Variants in ZNF445 observed in about 807,000 individuals in gnomAD.
ZNF445 encodes zinc finger protein 445.
A neutral mutation model predicts 93.9 loss-of-function variants in ZNF445; 19 were observed. The ratio of observed to expected loss-of-function variants is 0.20; its 90% confidence interval spans 0.14 to 0.30. The LOEUF is 0.30. Ranked by LOEUF, ZNF445 falls within the 10% of genes least tolerant of loss-of-function variation. ZNF445 has a pLI of 1.00. For missense variants in ZNF445, 1,058 were observed against 1,259.4 expected, an observed-to-expected ratio of 0.84 and a Z score of 2.42; for synonymous variants, 449 against 446.3, an observed-to-expected ratio of 1.01 and a Z score of -0.08.
At position 44,443,800 on chromosome 3, in the gene ZNF445, T is replaced by C. The variant is rs1697842521; in HGVS notation, c.*2775A>G. The C allele has an allele frequency of 6.6e-6, 1 of 151,606 alleles. No individual in the cohort carries two copies. Among genetic ancestry groups the C allele is most frequent in the Non-Finnish European group, 1.5e-5 (1 of 67,948 alleles). The allele number at this position is 151,606 out of a possible 1,614,324, so 9.4% of individuals were successfully genotyped here. ...GTTTTTCACTTCATTCTTTGCACAT[T>C]TTAAAATTTGATTAGAATGTTTAGA... On this transcript the variant is annotated 3_prime_UTR_variant, in exon 8 of 8. Transcript: ENST00000396077.
rs565329850 is a variant in ZNF445 at position 44,449,889 on chromosome 3, T to C, written c.821-266A>G. Among the ~76,000 whole-genome samples, 103 of 152,332 alleles carry C rather than the reference T, an allele frequency of 6.8e-4. 2 individuals are homozygous for C. The highest frequency in any genetic ancestry group is 2.3e-3 in the African/African-American group (96 of 41,586). On this transcript the variant is annotated intron_variant, in intron 6 of 7. Coordinates refer to ENST00000396077, the MANE Select transcript of ZNF445 (RefSeq NM_181489.6). ...AATTGGTTACATCAGCCAACATTTTTTGAATGTCTAAACAGACTAGGAACT... is the reference window on the plus strand; with the variant it reads ...AATTGGTTACATCAGCCAACATTTTCTGAATGTCTAAACAGACTAGGAACT...
chr3:44,459,909 TCTA>T lies in ZNF445; in HGVS notation c.-268-1548_-268-1546del, dbSNP rs1162618373. 5.9e-5 allele frequency among the ~76,000 whole-genome samples: 9 copies of T among 152,296 alleles called. No homozygotes were observed. The South Asian group carries it at 8.3e-4, about 14-fold the overall frequency. On this transcript the variant is annotated intron_variant, in intron 1 of 7. Coordinates refer to ENST00000396077, the MANE Select transcript of ZNF445 (RefSeq NM_181489.6). ...GCCCCAGGAACTTTCCTTCTAAGAA[TCTA>T]CTGTGAGAGCTAGGTGTGGTGGCTC... is the stretch of plus-strand genomic sequence containing the variant.
chr3:44,449,194 G>C (rs1374654479), intron 7 of ZNF445, among the ~76,000 whole-genome samples: 1 of 152,174 alleles, frequency 6.6e-6, no homozygotes, highest in Non-Finnish European at 1.5e-5. Context: ...CAGGAGTTCA[G>C]CAGGAGTGCA....
intron 1 of ZNF445, among the ~76,000 whole-genome samples, chr3:44,459,551 A>G (rs58412817): frequency 0.012 from 1,853 of 152,342 alleles, 34 homozygotes; most frequent in African/African-American, 0.043. Context: ...GGCCAAGAAT[A>G]GCCAAGATAA....
rs1157586354 is a variant in ZNF445, at chr3:44,433,254, A to G, written c.*13321T>C. The G allele has an allele frequency of 6.6e-6, 1 of 151,550 alleles. No individual in the cohort carries two copies. Among genetic ancestry groups the G allele is most frequent in the African/African-American group, 2.4e-5 (1 of 41,166 alleles). The allele number at this position is 151,550 out of a possible 1,614,324, so 9.4% of individuals were successfully genotyped here. A position where few individuals can be genotyped will look rare whatever the true frequency, so the allele number is the denominator to read the frequency against. On this transcript the variant is annotated 3_prime_UTR_variant, in exon 8 of 8. Coordinates refer to ENST00000396077, the MANE Select transcript of ZNF445 (RefSeq NM_181489.6). ...TCAGCCTCCCCAGTAGCTGGGATTT[A>G]CAGGTGCCCGCTACCACGCCTGGCT...
chr3:44,460,405 T>C (rs1398693748), intron 1 of ZNF445, among the ~76,000 whole-genome samples: 1 of 152,152 alleles, frequency 6.6e-6, no homozygotes, highest in African/African-American at 2.4e-5. Context: ...ACATTAGCCA[T>C]AAGATTAGAA....
At chr3:44,468,685 C>A (rs1158615369) in intron 1 of ZNF445, among the ~76,000 whole-genome samples, 2 of 150,100 alleles carry the variant, frequency 1.3e-5, no homozygotes, top group African/African-American at 4.9e-5. Context: ...ACCCCCTCCC[C>A]CCGAGGAGCT....
In ZNF445 at chr3:44,445,358, TTATAAAA is replaced by T. The variant is rs1318820756; in HGVS notation, c.*1210_*1216del. The stretch of plus-strand genomic sequence containing the variant: ...GAGTCCTTGGATCTGTGGTTAACCC[TTATAAAA>T]TATAATTCAGATTCAAACCACATCA... On this transcript the variant is annotated 3_prime_UTR_variant, in exon 8 of 8. Coordinates refer to ENST00000396077, the MANE Select transcript of ZNF445 (RefSeq NM_181489.6). 1 of 152,244 alleles carries T rather than the reference TTATAAAA, an allele frequency of 6.6e-6. No individual in the cohort carries two copies. 9.4% of individuals were successfully genotyped at this position (152,244 alleles called of 1,614,324 possible). A position where few individuals can be genotyped will look rare whatever the true frequency, so the allele number is the denominator to read the frequency against.
intron 1 of ZNF445, among the ~76,000 whole-genome samples, chr3:44,473,474 C>CACACACAG (rs1299394347): frequency 8.0e-6 from 1 of 125,394 alleles, no homozygotes; most frequent in East Asian, 5.1e-4. Context: ...CACACACACA[C>CACACACAG]ACACACACAC....
At chr3:44,464,419 T>C (rs1444624591) in intron 1 of ZNF445, among the ~76,000 whole-genome samples, 2 of 152,248 alleles carry the variant, frequency 1.3e-5, no homozygotes, top group Non-Finnish European at 2.9e-5. Flanking sequence ...ATATGTTGTA[T>C]GTTTATATAC....
intron 2 of ZNF445, among the ~76,000 whole-genome samples, chr3:44,456,761 G>A (rs1698032625): frequency 6.6e-6 from 1 of 152,106 alleles, no homozygotes; most frequent in African/African-American, 2.4e-5. Flanking sequence ...ACCCAACAAT[G>A]GGTTACAAAT....
intron 1 of ZNF445, among the ~76,000 whole-genome samples, chr3:44,461,339 C>A (rs926852411): frequency 4.0e-5 from 6 of 151,150 alleles, no homozygotes; most frequent in Non-Finnish European, 7.4e-5. Context: ...TCTACTCAAT[C>A]AGGAAGATTT....
At chr3:44,467,247 C>T (rs564071530) in intron 1 of ZNF445, among the ~76,000 whole-genome samples, 1 of 152,236 alleles carries the variant, frequency 6.6e-6, no homozygotes, top group South Asian at 2.1e-4. Flanking sequence ...ATATTTGTTC[C>T]TTTCTACCTG....
chr3:44,455,763 A>G, intron 2 of ZNF445, 67 bp from the exon 3 acceptor site: 1 of 540,782 alleles, frequency 1.8e-6, no homozygotes, highest in South Asian at 2.8e-5. Flanking sequence ...GCTGGTTGGG[A>G]TCATCTTTGT....
intron 1 of ZNF445, among the ~76,000 whole-genome samples, chr3:44,468,645 T>C (rs1425896196): frequency 2.0e-5 from 3 of 151,672 alleles, no homozygotes; most frequent in Non-Finnish European, 4.4e-5. Context: ...AACTGGCTCA[T>C]CTGATCTTGT....
intron 1 of ZNF445, among the ~76,000 whole-genome samples, chr3:44,470,064 A>G (rs1183334685): frequency 6.6e-6 from 1 of 152,102 alleles, no homozygotes; most frequent in African/African-American, 2.4e-5. Flanking sequence ...AATAGCTGAG[A>G]CTACAGACAT....
chr3:44,468,833 T>C lies in ZNF445; in HGVS notation c.-269+8758A>G, dbSNP rs541604005. Among the ~76,000 whole-genome samples the C allele has an allele frequency of 5.9e-5, 9 of 152,240 alleles. No homozygotes were observed. The South Asian group carries it at 1.9e-3, about 32-fold the overall frequency. On this transcript the variant is annotated intron_variant, in intron 1 of 7. Transcript: ENST00000396077. ...CCGCAAATGCTGGGGGAGACTGCTT[T>C]GAGTAATAATAAAACCCCAGTCTCC... is the stretch of plus-strand genomic sequence containing the variant.
intron 2 of ZNF445, among the ~76,000 whole-genome samples, chr3:44,456,630 A>G (rs1698030957): frequency 6.6e-6 from 1 of 152,188 alleles, no homozygotes; most frequent in Admixed American, 6.5e-5. Flanking sequence ...AGAATGCCCA[A>G]CTGACTTTTT....
chr3:44,458,469 T>A (rs1163328920), intron 1 of ZNF445, 105 bp from the exon 2 acceptor site: 1 of 152,144 alleles, frequency 6.6e-6, no homozygotes, highest in Non-Finnish European at 1.5e-5. Context: ...CACATTGGTT[T>A]TTATCCATGG....
Sources: gnomAD v4.1 joint callset for allele counts (sites outside exome capture counted in the v4.1 genomes callset) on GRCh38, gnomAD v4.1.1 for gene constraint, MANE v1.5 for transcripts, NCBI Gene and HGNC (gene_info 2026-07-23, HGNC 2026-07-21) for gene names.